The following CRNKL1 variants were observed in gnomAD, a reference collection of about 807,000 sequenced individuals.
The protein encoded by CRNKL1 is crooked neck pre-mRNA splicing factor 1, also known as crooked neck-like protein 1.
In CRNKL1, 35 loss-of-function variants were observed where a neutral mutation model predicts 103.7. The observed-to-expected ratio is 0.34, with a 90% CI of 0.26 to 0.45. The LOEUF (loss-of-function observed/expected upper bound fraction) is 0.45. CRNKL1 is among the 20% of genes least tolerant of loss of function. CRNKL1 has a pLI of 1.00. For synonymous variants in CRNKL1, 267 were observed against 282.6 expected, an observed-to-expected ratio of 0.94 and a Z score of 0.55; for missense variants, 645 against 836.0, an observed-to-expected ratio of 0.77 and a Z score of 2.82.
At chr20:20,040,848 A>C in intron 9 of CRNKL1, 82 bp from the exon 10 acceptor site, 2 of 963,640 alleles carry the variant, frequency 2.1e-6, no homozygotes, top group Non-Finnish European at 3.2e-6. Context: ...AAATTAACCA[A>C]AGCCATTGGT....
chr20:20,043,933 G>A (rs1041985143), intron 6 of CRNKL1, among the ~76,000 whole-genome samples: 4 of 152,088 alleles, frequency 2.6e-5, no homozygotes, highest in African/African-American at 9.7e-5. Context: ...CTGAGCTTCT[G>A]TTTCCTCCCC....
chr20:20,034,915 G>GAAAAC lies in CRNKL1; in HGVS notation c.*1275_*1279dup, dbSNP rs1488706284. Reference sequence around the variant, plus strand: ...TTGCTTACTAAAGGTCCTTTTAGGGGAAAACAACCTTAAAAATACAGTTCT... The same window carrying GAAAAC: ...TTGCTTACTAAAGGTCCTTTTAGGGGAAAACAAAACAACCTTAAAAATACAGTTCT... On this transcript the variant is annotated 3_prime_UTR_variant, in exon 14 of 14. Transcript: ENST00000536226. 6.6e-6 allele frequency: 1 copy of GAAAAC among 152,178 alleles called. No individual in the cohort carries two copies. The highest frequency in any genetic ancestry group is 1.5e-5 in the Non-Finnish European group (1 of 68,036). The allele number at this position is 152,178 out of a possible 1,614,324, so 9.4% of individuals were successfully genotyped here.
rs2043686120 is a variant in CRNKL1 at position 20,050,723 on chromosome 20, T to A, written c.52-101A>T. On this transcript the variant is annotated intron_variant, in intron 1 of 13. Transcript: ENST00000536226. ...TAGGATATGAACTTTGTTAGTATTA[T>A]CACAAGATGCCCTTTTTGTATGACA... is the stretch of plus-strand genomic sequence containing the variant. 3.9e-6 allele frequency: 4 copies of A among 1,029,420 alleles called. No individual in the cohort carries two copies. In the South Asian group the frequency reaches 5.5e-5, roughly 14 times the overall value. The allele number at this position is 1,029,420 out of a possible 1,614,324, so 63.8% of individuals were successfully genotyped here. A position where few individuals can be genotyped will look rare whatever the true frequency, so the allele number is the denominator to read the frequency against.
intron 6 of CRNKL1, among the ~76,000 whole-genome samples, chr20:20,044,730 C>T (rs987043076): frequency 1.3e-5 from 2 of 152,148 alleles, no homozygotes; most frequent in Non-Finnish European, 2.9e-5. Flanking sequence ...AGTGATACTC[C>T]TGCCTCAGCT....
At chr20:20,041,648 C>T in intron 8 of CRNKL1, 23 bp from the exon 9 acceptor site, 1 of 1,585,128 alleles carries the variant, frequency 6.3e-7, no homozygotes, top group Non-Finnish European at 8.7e-7. Context: ...AAGAAATTTT[C>T]ACAAAATATT....
At chr20:20,040,891 G>T in intron 9 of CRNKL1, 125 bp from the exon 10 acceptor site, 1 of 663,992 alleles carries the variant, frequency 1.5e-6, no homozygotes, top group Non-Finnish European at 2.6e-6. Context: ...AGAGTAAGAG[G>T]AATGTACTCT....
chr20:20,041,696 T>C (rs2043517141), intron 8 of CRNKL1, 71 bp from the exon 9 acceptor site: 4 of 1,123,920 alleles, frequency 3.6e-6, no homozygotes, highest in Non-Finnish European at 5.4e-6. Context: ...TAGTTACTAA[T>C]TTTACTGATA....
chr20:20,052,236 C>G (rs1002828352), intron 1 of CRNKL1, 56 bp downstream of exon 1: 6 of 1,488,270 alleles, frequency 4.0e-6, no homozygotes, highest in Non-Finnish European at 5.5e-6. Flanking sequence ...ACCCTCAGGG[C>G]TGAGGGATGC....
chr20:20,050,343 C>T, intron 2 of CRNKL1, 127 bp downstream of exon 2: 1 of 693,750 alleles, frequency 1.4e-6, no homozygotes, highest in Non-Finnish European at 2.3e-6. Context: ...ACCAGAAGTA[C>T]ATTATTCATG....
In CRNKL1 at chr20:20,045,252, C is replaced by T. The variant is rs902042121; in HGVS notation, c.801+56G>A. 9 of 1,435,040 alleles carry T rather than the reference C, an allele frequency of 6.3e-6. No homozygotes were observed. The South Asian group carries it at 1.1e-4, about 18-fold the overall frequency. 88.9% of individuals were successfully genotyped at this position (1,435,040 alleles called of 1,614,324 possible). A position where few individuals can be genotyped will look rare whatever the true frequency, so the allele number is the denominator to read the frequency against. ...AAAATGGAAATGAACTCACCATGCA[C>T]AAAATGTAATCTTTGCTAAGCTGTT... On this transcript the variant is annotated intron_variant, in intron 6 of 13. Coordinates refer to ENST00000536226, the MANE Select transcript of CRNKL1 (RefSeq NM_001278628.2).
At chr20:20,054,434 C>A (rs1369721112), upstream of CRNKL1, among the ~76,000 whole-genome samples, 1 of 148,900 alleles carries the variant, frequency 6.7e-6, no homozygotes, top group Non-Finnish European at 1.5e-5. Flanking sequence ...CATACATACA[C>A]ATATACACAC....
upstream of CRNKL1, chr20:20,052,870 C>G: frequency 1.4e-6 from 1 of 733,086 alleles, no homozygotes; most frequent in Non-Finnish European, 2.2e-6. Flanking sequence ...TTCTAGTAGT[C>G]TCTGGGTCCA....
At chr20:20,036,840 C>T (rs1247898273) in intron 13 of CRNKL1, among the ~76,000 whole-genome samples, 1 of 152,186 alleles carries the variant, frequency 6.6e-6, no homozygotes, top group East Asian at 1.9e-4. Flanking sequence ...TCTTGCTCAG[C>T]TTATAAAAAC....
At chr20:20,043,857 T>A (rs1051616830) in intron 6 of CRNKL1, among the ~76,000 whole-genome samples, 195 bp from the exon 7 acceptor site, 1 of 152,126 alleles carries the variant, frequency 6.6e-6, no homozygotes, top group Non-Finnish European at 1.5e-5. Flanking sequence ...TTGAGCTCCA[T>A]ATTTAATACT....
upstream of CRNKL1, chr20:20,052,633 G>A (rs764763818): frequency 6.2e-7 from 1 of 1,613,554 alleles, no homozygotes; most frequent in Non-Finnish European, 8.5e-7. Flanking sequence ...CAAGGACTGC[G>A]GTGCAGGGCG....
chr20:20,038,786 G>A (rs2146483926), intron 11 of CRNKL1, among the ~76,000 whole-genome samples: 1 of 152,316 alleles, frequency 6.6e-6, no homozygotes, highest in African/African-American at 2.4e-5. Flanking sequence ...AGCGTCCAGA[G>A]AGAAAACAGG....
upstream of CRNKL1, among the ~76,000 whole-genome samples, chr20:20,054,013 G>GTTTTTTTT (rs1239349657): frequency 1.7e-5 from 1 of 59,102 alleles, no homozygotes; most frequent in Non-Finnish European, 3.5e-5. Flanking sequence ...TTTTTTGTTT[G>GTTTTTTTT]TTTTTTTTTT....
At chr20:20,036,993 T>TTACCGC (rs1351626886) in intron 13 of CRNKL1, among the ~76,000 whole-genome samples, 1 of 152,222 alleles carries the variant, frequency 6.6e-6, no homozygotes, top group East Asian at 1.9e-4. Context: ...ACAAGCCTTC[T>TTACCGC]CTGGATAGGC....
chr20:20,039,686 T>C lies in CRNKL1; in HGVS notation c.1468A>G (p.Thr490Ala), dbSNP rs376006372. ...TSWIKFAELE[T>A]ILGDIDRARA... ...GCTCTGTCAATATCACCAAGGATTG[T>C]CTCTAATTCAGCGAATTTAATCCAT... Residue 490 changes from threonine (T) to alanine (A), a missense_variant, in exon 11 of 14, where the codon ACA (threonine) becomes GCA (alanine). Thr to Ala is a moderately conservative substitution (Grantham distance 58). Around this residue, in one of 2 missense-constraint regions of CRNKL1, gnomAD observed 582 missense variants for 707.7 expected, o/e 0.82. Transcript: ENST00000536226. 9 of 1,614,084 alleles carry C rather than the reference T, an allele frequency of 5.6e-6. No individual in the cohort carries two copies. In the African/African-American group the frequency reaches 1.2e-4, roughly 22 times the overall value.
Sources: gnomAD v4.1 joint callset for allele counts (sites outside exome capture counted in the v4.1 genomes callset) on GRCh38, gnomAD v4.1.1 for gene constraint, gnomAD v4.1.1 regional missense constraint, MANE v1.5 for transcripts, NCBI Gene and HGNC (gene_info 2026-07-23, HGNC 2026-07-21) for gene names.